SUPT3H: variants seen among roughly 807,000 people sequenced by gnomAD.
SUPT3H encodes transcription initiation protein SPT3 homolog.
SUPT3H carries 44 observed loss-of-function variants against 44.3 expected under a neutral mutation model. The ratio of observed to expected loss-of-function variants is 0.99; its 90% CI spans 0.78 to 1.28. The LOEUF is 1.28. Ranked by LOEUF, SUPT3H falls within the 50% of genes most tolerant of loss-of-function variation. SUPT3H has a pLI of 0.00. For missense variants in SUPT3H, 380 were observed against 387.1 expected (o/e 0.98, Z 0.15); for synonymous variants, 124 against 125.6 (o/e 0.99, Z 0.09).
At chr6:45,081,495 A>G (rs1214911000) in intron 3 of SUPT3H, among the ~76,000 whole-genome samples, 1 of 152,102 alleles carries the variant, frequency 6.6e-6, no homozygotes, top group Non-Finnish European at 1.5e-5. Flanking sequence ...CTTGCATACC[A>G]AAATATAAGC....
At chr6:45,171,509 C>T (rs1297929076) in intron 2 of SUPT3H, among the ~76,000 whole-genome samples, 4 of 152,072 alleles carry the variant, frequency 2.6e-5, no homozygotes, top group Non-Finnish European at 5.9e-5. Flanking sequence ...TTAATCAAAA[C>T]CCAAAACCAC....
chr6:45,130,393 A>C (rs764019549), intron 2 of SUPT3H, among the ~76,000 whole-genome samples: 17 of 152,102 alleles, frequency 1.1e-4, no homozygotes, highest in Non-Finnish European at 1.9e-4. Context: ...CCACTGTATG[A>C]ATATACCACA....
chr6:45,311,341 C>T (rs1005016756), intron 2 of SUPT3H, among the ~76,000 whole-genome samples: 1 of 152,120 alleles, frequency 6.6e-6, no homozygotes, highest in Non-Finnish European at 1.5e-5. Flanking sequence ...TAAGAATAAT[C>T]AGTGTTCCTG....
At chr6:45,154,087 A>AAAAAAAAAAACAAAAC (rs70996303) in intron 2 of SUPT3H, among the ~76,000 whole-genome samples, 1 of 114,596 alleles carries the variant, frequency 8.7e-6, no homozygotes. Flanking sequence ...AAAAAAAAAA[A>AAAAAAAAAAACAAAAC]AGCGCTTAGT....
At chr6:45,285,081 TG>T (rs1371771682) in intron 2 of SUPT3H, among the ~76,000 whole-genome samples, 1 of 151,838 alleles carries the variant, frequency 6.6e-6, no homozygotes, top group Non-Finnish European at 1.5e-5. Context: ...TAGGTATTGA[TG>T]GGACATATCT....
chr6:44,823,760 G>A (rs186139163), downstream of SUPT3H, among the ~76,000 whole-genome samples: 539 of 152,170 alleles, frequency 3.5e-3, 3 homozygotes, highest in African/African-American at 0.012. Flanking sequence ...TCAGGAGTTC[G>A]AGACCAACCT....
chr6:45,222,375 A>C (rs1189326015), intron 2 of SUPT3H, among the ~76,000 whole-genome samples: 1 of 152,186 alleles, frequency 6.6e-6, no homozygotes, highest in East Asian at 1.9e-4. Flanking sequence ...TTAGAAAATG[A>C]CAGAAGGCAG....
chr6:45,284,184 C>A (rs549455502), intron 2 of SUPT3H, among the ~76,000 whole-genome samples: 1 of 152,078 alleles, frequency 6.6e-6, no homozygotes, highest in African/African-American at 2.4e-5. Flanking sequence ...ATTAAAACAA[C>A]TGGAGAAGCA....
chr6:45,146,563 C>T (rs1338063303), intron 2 of SUPT3H, among the ~76,000 whole-genome samples: 1 of 152,050 alleles, frequency 6.6e-6, no homozygotes, highest in Non-Finnish European at 1.5e-5. Flanking sequence ...CCACCTGTTC[C>T]CCACAAACTA....
chr6:45,315,849 T>C (rs1784591386), intron 2 of SUPT3H, among the ~76,000 whole-genome samples: 1 of 151,922 alleles, frequency 6.6e-6, no homozygotes, highest in African/African-American at 2.4e-5. Flanking sequence ...AGCAGCACAA[T>C]TCACAATAGC....
chr6:45,299,539 T>C (rs1243049522), intron 2 of SUPT3H, among the ~76,000 whole-genome samples: 2 of 152,042 alleles, frequency 1.3e-5, no homozygotes, highest in Admixed American at 6.6e-5. Flanking sequence ...TTTATGAAAA[T>C]GCTGTAATAT....
intron 2 of SUPT3H, chr6:45,328,437 C>A: frequency 6.2e-6 from 9 of 1,454,352 alleles, no homozygotes; most frequent in Non-Finnish European, 8.3e-6. Context: ...AGGTCACTAC[C>A]AGCCACCGAG....
chr6:45,176,254 C>G (rs1811821388), intron 2 of SUPT3H, among the ~76,000 whole-genome samples: 1 of 151,940 alleles, frequency 6.6e-6, no homozygotes, highest in South Asian at 2.1e-4. Flanking sequence ...GAGGCATTGC[C>G]TCACCTGGGA....
At chr6:45,033,103 A>T (rs1307772252) in intron 3 of SUPT3H, among the ~76,000 whole-genome samples, 1 of 152,156 alleles carries the variant, frequency 6.6e-6, no homozygotes, top group South Asian at 2.1e-4. Flanking sequence ...GAGTAATACC[A>T]GTTTCCTTGC....
intron 10 of SUPT3H, among the ~76,000 whole-genome samples, chr6:44,843,750 C>T (rs1771372014): frequency 6.6e-6 from 1 of 151,954 alleles, no homozygotes; most frequent in African/African-American, 2.4e-5. Context: ...GAGAGAGATA[C>T]TGTGTTAAGG....
In SUPT3H at chr6:45,105,903, A is replaced by G. The variant is rs764248048; in HGVS notation, c.186+19T>C. On this transcript the variant is annotated intron_variant, in intron 3 of 10. Transcript: ENST00000371459. Reference sequence around the variant, plus strand: ...GAATGCAGAGAAGAGAAACCAAATCAAATTATATATGCTCTTACCAGATTA... The same window carrying G: ...GAATGCAGAGAAGAGAAACCAAATCGAATTATATATGCTCTTACCAGATTA... 1 of 1,592,982 alleles carries G rather than the reference A, an allele frequency of 6.3e-7. No homozygotes were observed. The highest frequency in any genetic ancestry group is 1.7e-5 in the Admixed American group (1 of 59,074).
At chr6:45,202,061 G>C (rs1488094082) in intron 2 of SUPT3H, among the ~76,000 whole-genome samples, 1 of 151,688 alleles carries the variant, frequency 6.6e-6, no homozygotes, top group Non-Finnish European at 1.5e-5. Flanking sequence ...TCTTAAAATG[G>C]TACAAATCAT....
intron 10 of SUPT3H, among the ~76,000 whole-genome samples, chr6:44,895,055 T>C (rs1223148088): frequency 6.6e-6 from 1 of 152,002 alleles, no homozygotes; most frequent in Non-Finnish European, 1.5e-5. Flanking sequence ...TTATTACCAT[T>C]CAATACTTAA....
rs188634333 is a variant in SUPT3H, at chr6:45,083,557, A to C, written c.186+22365T>G. Among the ~76,000 whole-genome samples, 489 of 152,192 alleles carry C rather than the reference A, an allele frequency of 3.2e-3. 1 individual carries two copies. Among genetic ancestry groups the C allele is most frequent in the Non-Finnish European group, 5.3e-3 (358 of 67,988 alleles). ...GTACAGATTCAATGTTATTCCTATC[A>C]AACTACCAACACTGTTTTTACCCCA... On this transcript the variant is annotated intron_variant, in intron 3 of 10. Coordinates refer to ENST00000371459, the MANE Select transcript of SUPT3H (RefSeq NM_003599.4).
Sources: gnomAD v4.1 joint callset for allele counts (sites outside exome capture counted in the v4.1 genomes callset) on GRCh38, gnomAD v4.1.1 for gene constraint, MANE v1.5 for transcripts, NCBI Gene and HGNC (gene_info 2026-07-23, HGNC 2026-07-21) for gene names.